SLC12A5: variants seen among roughly 807,000 people sequenced by gnomAD.
The protein encoded by SLC12A5 is K-Cl cotransporter 2.
In SLC12A5, 18 loss-of-function variants were observed where a neutral mutation model predicts 124.0. The observed-to-expected ratio is 0.15, with a 90% CI of 0.10 to 0.22. SLC12A5 has a LOEUF of 0.22. SLC12A5 is among the 10% of genes least tolerant of loss of function. The probability of loss-of-function intolerance (pLI) is 1.00; values close to 1 mark genes in which losing one functional copy is unlikely to be tolerated. For missense variants in SLC12A5, 867 were observed against 1,478.7 expected (o/e 0.59, Z 6.78); for synonymous variants, 589 against 568.0 (o/e 1.04, Z -0.53).
chr20:46,029,130 G>A, upstream of SLC12A5: 2 of 1,384,944 alleles, frequency 1.4e-6, no homozygotes. Flanking sequence ...ACGGGATGAG[G>A]TGAGCAGCGC....
chr20:46,044,952 C>T lies in SLC12A5; in HGVS notation c.1395-14C>T, dbSNP rs1253258919. ...GCACTGCTCACCTGGCATCTCCTGT[C>T]CACATCATTCCAGGTTTGGCGAAGC... On this transcript the variant is annotated splice_polypyrimidine_tract_variant and intron_variant, in intron 11 of 25. Coordinates refer to ENST00000243964, the MANE Select transcript of SLC12A5 (RefSeq NM_020708.5). 6.2e-7 allele frequency: 1 copy of T among 1,614,070 alleles called. No individual in the cohort carries two copies. Among genetic ancestry groups the T allele is most frequent in the African/African-American group, 1.3e-5 (1 of 74,948 alleles).
At chr20:46,034,796 C>A in intron 1 of SLC12A5, 152 bp from the exon 2 acceptor site, 1 of 701,252 alleles carries the variant, frequency 1.4e-6, no homozygotes, top group Admixed American at 2.1e-5. Flanking sequence ...TACATGCTGT[C>A]AACTGCAACC....
At position 46,040,444 on chromosome 20, in the gene SLC12A5, C is replaced by A. The variant is rs2084535559; in HGVS notation, c.684C>A (p.Asn228Lys). ...GTGGGGAGGCAGCAGCCATGCTGAA[C>A]AACATGCGTGTTTACGGCACCTGTG... is the stretch of plus-strand genomic sequence containing the variant. ...DASGEAAAML[N>K]NMRVYGTCVL... The change falls in exon 7 of 26, where the codon AAC becomes AAA. Residue 228 changes from asparagine to lysine, a missense_variant. By Grantham distance (94) the Asn-to-Lys change is moderately conservative (BLOSUM62 0). Around this residue, in one of 9 missense-constraint regions of SLC12A5, gnomAD observed 126 missense variants for 291.6 expected, o/e 0.43. Coordinates refer to ENST00000243964, the MANE Select transcript of SLC12A5 (RefSeq NM_020708.5). 1 of 1,614,254 alleles carries A rather than the reference C, an allele frequency of 6.2e-7. No homozygotes were observed. The highest frequency in any genetic ancestry group is 8.5e-7 in the Non-Finnish European group (1 of 1,180,052).
intron 1 of SLC12A5, among the ~76,000 whole-genome samples, chr20:46,033,448 C>G (rs2084471032): frequency 6.6e-6 from 1 of 151,556 alleles, no homozygotes; most frequent in African/African-American, 2.4e-5. Context: ...GGACCTTCCC[C>G]CCTGGTGCCC....
chr20:46,024,650 T>TG (rs1422111794), upstream of SLC12A5, among the ~76,000 whole-genome samples: 1 of 152,178 alleles, frequency 6.6e-6, no homozygotes, highest in Non-Finnish European at 1.5e-5. Flanking sequence ...GTTTGCCACT[T>TG]GGGGGGCTTT....
At chr20:46,037,164 C>A (rs993251430) in intron 5 of SLC12A5, 91 bp from the exon 6 acceptor site, 1 of 1,492,168 alleles carries the variant, frequency 6.7e-7, no homozygotes, top group Non-Finnish European at 9.0e-7. Flanking sequence ...CCTGGAGCAA[C>A]CCCCTTCTGC....
At chr20:46,047,113 T>C (rs2084602703) in intron 14 of SLC12A5, among the ~76,000 whole-genome samples, 2 of 152,210 alleles carry the variant, frequency 1.3e-5, no homozygotes, top group Admixed American at 6.5e-5. Flanking sequence ...GCTGGTGGCC[T>C]TCTCCTGGGA....
At chr20:46,040,652 CT>C in intron 7 of SLC12A5, 38 bp downstream of exon 7, 1 of 1,606,500 alleles carries the variant, frequency 6.2e-7, no homozygotes, top group Non-Finnish European at 8.5e-7. Context: ...AATCGTCCTC[CT>C]ACCTCCCTGG....
In SLC12A5 at chr20:46,040,484, G is replaced by T; in HGVS notation, c.724G>T (p.Ala242Ser). The change falls in exon 7 of 26, where the codon GCC becomes TCC. Residue 242 changes from alanine (A) to serine (S), a missense_variant. Ala to Ser is a moderately conservative substitution (Grantham distance 99). This residue lies in a region of SLC12A5 where 126 missense variants were observed against 291.6 expected (regional missense o/e 0.43). Coordinates refer to ENST00000243964, the MANE Select transcript of SLC12A5 (RefSeq NM_020708.5). ...CGGCACCTGTGTGCTCACCTGCATG[G>T]CCACTGTGGTGTTTGTGGGTGTCAA... ...VYGTCVLTCM[A>S]TVVFVGVKYV... 2 of 1,614,258 alleles carry T rather than the reference G, an allele frequency of 1.2e-6. No individual in the cohort carries two copies. The highest frequency in any genetic ancestry group is 1.7e-6 in the Non-Finnish European group (2 of 1,180,048).
intron 18 of SLC12A5, among the ~76,000 whole-genome samples, chr20:46,052,547 C>A (rs1371349710): frequency 6.6e-6 from 1 of 152,202 alleles, no homozygotes; most frequent in African/African-American, 2.4e-5. Flanking sequence ...GAAGTTTGCT[C>A]CAAGTCACAA....
intron 8 of SLC12A5, 119 bp from the exon 9 acceptor site, chr20:46,043,034 C>T (rs1016371862): frequency 8.8e-5 from 85 of 966,032 alleles, no homozygotes; most frequent in African/African-American, 2.8e-4. Context: ...GAGATAAGGC[C>T]GGGGAGAGTG....
chr20:46,048,122 T>C, intron 16 of SLC12A5, 37 bp downstream of exon 16: 4 of 1,549,422 alleles, frequency 2.6e-6, no homozygotes, highest in East Asian at 2.3e-5. Context: ...TAAGAGTGTG[T>C]GTGCATGAGT....
At chr20:46,023,387 A>G (rs1323744828) in exon 3 of SLC12A5, 1 of 398,422 alleles carries the variant, frequency 2.5e-6, no homozygotes, top group East Asian at 3.6e-5. Flanking sequence ...ACTGATCCCC[A>G]CGTCTTGGCC....
In SLC12A5 at chr20:46,040,562, C is replaced by G; in HGVS notation, c.802C>G (p.Leu268Val). 6.2e-7 allele frequency: 1 copy of G among 1,614,206 alleles called. No homozygotes were observed. Among genetic ancestry groups the G allele is most frequent in the Non-Finnish European group, 8.5e-7 (1 of 1,180,042 alleles). ...VFLGCVILSI[L>V]AIYAGVIKSA... ...CCTGGGTTGTGTCATCCTCTCCATCCTGGCCATCTATGCTGGGGTCATCAA... is the reference window on the plus strand; with the variant it reads ...CCTGGGTTGTGTCATCCTCTCCATCGTGGCCATCTATGCTGGGGTCATCAA... The change falls in exon 7 of 26, where the codon CTG (leucine) becomes GTG (valine). Residue 268 changes from leucine (L) to valine (V), a missense_variant. Around this residue, in one of 9 missense-constraint regions of SLC12A5, gnomAD observed 127 missense variants for 164.1 expected, o/e 0.77. Transcript: ENST00000243964.
intron 14 of SLC12A5, among the ~76,000 whole-genome samples, chr20:46,046,920 A>C (rs2084600832): frequency 1.3e-5 from 2 of 152,184 alleles, no homozygotes; most frequent in African/African-American, 4.8e-5. Context: ...ATTTTCCTCT[A>C]TGGCTCTTCA....
intron 7 of SLC12A5, 166 bp from the exon 8 acceptor site, chr20:46,041,163 G>GAAAAA: frequency 6.0e-6 from 3 of 503,468 alleles, no homozygotes; most frequent in Admixed American, 3.5e-5. Flanking sequence ...GGGAGCTTAA[G>GAAAAA]AAAAAAAAAA....
chr20:46,023,129 G>A (rs1004041074), intron 2 of SLC12A5: 11 of 398,276 alleles, frequency 2.8e-5, no homozygotes, highest in Non-Finnish European at 4.0e-5. Context: ...CCCTTAGGGG[G>A]TTATCTGGCG....
At chr20:46,038,137 A>G (rs1167875365) in intron 6 of SLC12A5, 1 of 152,182 alleles carries the variant, frequency 6.6e-6, no homozygotes, top group African/African-American at 2.4e-5. Context: ...GGCTTGAAGT[A>G]TATCATTTTA....
Position 46,060,130 on chromosome 20 carries a change from AAAT to A in SLC12A5, c.*2529_*2531del, listed in dbSNP as rs1462263283. ...CTCCCGTCTGCACAAAATGCAATAA[AAAT>A]AATTTTATTATACCCTTCATGGCCT... is the stretch of plus-strand genomic sequence containing the variant. On this transcript the variant is annotated 3_prime_UTR_variant, in exon 26 of 26. Transcript: ENST00000243964. 6.5e-6 allele frequency: 1 copy of A among 152,808 alleles called. No individual in the cohort carries two copies. Among genetic ancestry groups the A allele is most frequent in the South Asian group, 2.1e-4 (1 of 4,826 alleles). 9.5% of individuals were successfully genotyped at this position (152,808 alleles called of 1,614,324 possible).
Sources: allele counts gnomAD v4.1 joint callset (sites outside exome capture counted in the v4.1 genomes callset), GRCh38; gene constraint gnomAD v4.1.1; regional missense constraint gnomAD v4.1.1; transcripts MANE v1.5; gene names NCBI Gene and HGNC (gene_info 2026-07-23, HGNC 2026-07-21).